The following ANKS1A variants were observed in gnomAD, a reference collection of about 807,000 sequenced individuals.
The protein encoded by ANKS1A is ankyrin repeat and sterile alpha motif domain containing 1A.
Under a neutral mutation model 120.3 loss-of-function variants are expected in ANKS1A, and 55 were observed. The ratio of observed to expected loss-of-function variants is 0.46; its 90% CI spans 0.37 to 0.57. The LOEUF is 0.57. Ranked by LOEUF, ANKS1A falls within the 20% of genes least tolerant of loss-of-function variation. The pLI is 0.00. For missense variants in ANKS1A, 1,123 were observed against 1,480.3 expected, an observed-to-expected ratio of 0.76 and a Z score of 3.96; for synonymous variants, 590 against 604.7, an observed-to-expected ratio of 0.98 and a Z score of 0.36.
At position 34,974,041 on chromosome 6, in the gene ANKS1A, CCTTCT is replaced by C. The variant is rs200210012; in HGVS notation, c.435+3880_435+3884del. On this transcript the variant is annotated intron_variant, in intron 3 of 23. Coordinates refer to ENST00000360359, the MANE Select transcript of ANKS1A (RefSeq NM_015245.3). ...TCCCTTTCCCTTCCCTTCCCCTTCC[CCTTCT>C]CTTCCCCTTCCCTTCCCCTTCCATT... Among the ~76,000 whole-genome samples, 492 of 53,122 alleles carry C rather than the reference CCTTCT, an allele frequency of 9.3e-3. 47 individuals carry two copies. The highest frequency in any genetic ancestry group is 0.046 in the East Asian group (38 of 824). The allele number at this position is 53,122 out of a possible 152,430, so 34.9% of individuals were successfully genotyped here.
chr6:35,021,360 G>A lies in ANKS1A; in HGVS notation c.2010+3301G>A, dbSNP rs186808040. 2.0e-5 allele frequency among the ~76,000 whole-genome samples: 3 copies of A among 152,278 alleles called. No individual in the cohort carries two copies. The East Asian group carries it at 5.8e-4, about 29-fold the overall frequency. On this transcript the variant is annotated intron_variant, in intron 11 of 23. Transcript: ENST00000360359. ...GGAGAAGGAAGGCTGTCGGGTGGGA[G>A]CCCCTCAGGCTGCTCCTGGAAAGAA...
At chr6:35,013,520 C>G (rs940866191) in intron 10 of ANKS1A, among the ~76,000 whole-genome samples, 1 of 152,202 alleles carries the variant, frequency 6.6e-6, no homozygotes, top group African/African-American at 2.4e-5. Context: ...ATCTTGAACT[C>G]CTGAGCTCAA....
intron 10 of ANKS1A, among the ~76,000 whole-genome samples, chr6:35,005,409 A>AGT (rs1773397940): frequency 6.6e-6 from 1 of 152,240 alleles, no homozygotes; most frequent in Admixed American, 6.5e-5. Flanking sequence ...AATTAGTGGT[A>AGT]GTGGAAACAC....
chr6:34,922,839 A>G (rs538545607), intron 1 of ANKS1A, among the ~76,000 whole-genome samples: 1 of 152,018 alleles, frequency 6.6e-6, no homozygotes, highest in East Asian at 1.9e-4. Flanking sequence ...GACTATAGGC[A>G]TGTACCACCA....
intron 11 of ANKS1A, among the ~76,000 whole-genome samples, chr6:35,047,646 T>C (rs1188639731): frequency 6.6e-6 from 1 of 152,248 alleles, no homozygotes; most frequent in South Asian, 2.1e-4. Context: ...GTCCCACTTA[T>C]TGAAGCCAGT....
At chr6:34,955,488 A>G (rs1010141866) in intron 1 of ANKS1A, among the ~76,000 whole-genome samples, 1 of 152,136 alleles carries the variant, frequency 6.6e-6, no homozygotes, top group Non-Finnish European at 1.5e-5. Context: ...AATCACAACT[A>G]TAATTTTTAA....
At chr6:34,964,904 T>C (rs940140009) in intron 1 of ANKS1A, among the ~76,000 whole-genome samples, 1 of 152,232 alleles carries the variant, frequency 6.6e-6, no homozygotes, top group Non-Finnish European at 1.5e-5. Flanking sequence ...ATAATATCAT[T>C]ATGTTCATTT....
Position 35,039,648 on chromosome 6 carries a change from C to T in ANKS1A, c.2011-14451C>T, listed in dbSNP as rs115235088. The T allele has an allele frequency of 1.2e-3, 560 of 456,716 alleles. 3 individuals are homozygous for T. Among genetic ancestry groups the T allele is most frequent in the African/African-American group, 7.9e-3 (395 of 50,198 alleles). The allele number at this position is 456,716 out of a possible 1,614,324, so 28.3% of individuals were successfully genotyped here. On this transcript the variant is annotated intron_variant, in intron 11 of 23. Transcript: ENST00000360359. ...GCGTCCCTGTTGAAGTGGGACAGCACAGTGCTCTGCACAGAAGCCATTCTC... is the reference window on the plus strand; with the variant it reads ...GCGTCCCTGTTGAAGTGGGACAGCATAGTGCTCTGCACAGAAGCCATTCTC...
At position 35,055,627 on chromosome 6, in the gene ANKS1A, C is replaced by A. The variant is rs575810416; in HGVS notation, c.2077+1462C>A. ...ACAGGTGTCAGCCACCACACCCGGC[C>A]CTGTGTTCCTTTTGTCCATGAAATC... On this transcript the variant is annotated intron_variant, in intron 12 of 23. Coordinates refer to ENST00000360359, the MANE Select transcript of ANKS1A (RefSeq NM_015245.3). Among the ~76,000 whole-genome samples the A allele has an allele frequency of 3.7e-4, 57 of 152,312 alleles. No homozygotes were observed. In the South Asian group the frequency reaches 7.3e-3, roughly 19 times the overall value.
chr6:35,008,568 CTTA>C (rs1278629706), intron 10 of ANKS1A, among the ~76,000 whole-genome samples: 1 of 152,152 alleles, frequency 6.6e-6, no homozygotes, highest in Non-Finnish European at 1.5e-5. Flanking sequence ...TAACTGTCTT[CTTA>C]TTATTAATTT....
At chr6:34,934,314 AT>A (rs529385477) in intron 1 of ANKS1A, among the ~76,000 whole-genome samples, 1,897 of 151,896 alleles carry the variant, frequency 0.012, 18 homozygotes, top group Middle Eastern at 0.024. Context: ...TGCCCGGCTA[AT>A]TTTTTTGTAT....
At chr6:35,039,424 C>T (rs1182418845) in intron 11 of ANKS1A, 10 of 362,842 alleles carry the variant, frequency 2.8e-5, no homozygotes, top group Admixed American at 1.0e-4. Context: ...CTTGAACTCC[C>T]GACCTCAGGT....
intron 12 of ANKS1A, among the ~76,000 whole-genome samples, 186 bp downstream of exon 12, chr6:35,054,351 C>T (rs1456874218): frequency 6.6e-6 from 1 of 152,152 alleles, no homozygotes; most frequent in South Asian, 2.1e-4. Context: ...ATTTTTAGAG[C>T]CATGACTCCT....
At chr6:34,939,644 T>TC (rs910001654) in intron 1 of ANKS1A, among the ~76,000 whole-genome samples, 1 of 151,900 alleles carries the variant, frequency 6.6e-6, no homozygotes, top group African/African-American at 2.4e-5. Flanking sequence ...GCCCAGGAGT[T>TC]CCAGGTTACA....
intron 7 of ANKS1A, among the ~76,000 whole-genome samples, chr6:34,984,237 TAG>T (rs1242616330): frequency 7.2e-5 from 11 of 152,326 alleles, no homozygotes; most frequent in African/African-American, 2.6e-4. Flanking sequence ...CAGATGCATT[TAG>T]CAGCCTTTTG....
rs556649170 is a variant in ANKS1A, at chr6:34,980,982, G to A, written c.436-708G>A. On this transcript the variant is annotated intron_variant, in intron 3 of 23. Transcript: ENST00000360359. ...CAGCGTTTGCCTCTTTCTTACATAA[G>A]AAACATCTTCCCGTGCTGGCTGCCA... is the stretch of plus-strand genomic sequence containing the variant. Among the ~76,000 whole-genome samples the A allele has an allele frequency of 5.3e-5, 8 of 152,260 alleles. No homozygotes were observed. In the South Asian group the frequency reaches 1.0e-3, roughly 20 times the overall value.
At chr6:34,991,590 A>G (rs1772527629) in intron 9 of ANKS1A, among the ~76,000 whole-genome samples, 1 of 149,224 alleles carries the variant, frequency 6.7e-6, no homozygotes, top group Non-Finnish European at 1.5e-5. Context: ...ATATACACAT[A>G]TATATATACA....
intron 10 of ANKS1A, among the ~76,000 whole-genome samples, chr6:35,006,732 G>T (rs1409516750): frequency 1.3e-5 from 2 of 152,174 alleles, no homozygotes; most frequent in Non-Finnish European, 2.9e-5. Context: ...TCCAGCCTGG[G>T]TGACAGAGCG....
rs114764908 is a variant in ANKS1A at position 34,990,164 on chromosome 6, T to C, written c.1302+848T>C. On this transcript the variant is annotated intron_variant, in intron 9 of 23. Transcript: ENST00000360359. ...TTTTTTACAGTATTGCCACGGACCA[T>C]GGCAGGTTCTTTTATTCAGTATAAA... Among the ~76,000 whole-genome samples the C allele has an allele frequency of 2.9e-3, 445 of 152,292 alleles. 1 individual carries two copies. Among genetic ancestry groups the C allele is most frequent in the African/African-American group, 9.7e-3 (403 of 41,566 alleles).
Sources: gnomAD v4.1 joint callset for allele counts (sites outside exome capture counted in the v4.1 genomes callset) on GRCh38, gnomAD v4.1.1 for gene constraint, MANE v1.5 for transcripts, NCBI Gene and HGNC (gene_info 2026-07-23, HGNC 2026-07-21) for gene names.